ADAMTS19: variants seen among roughly 807,000 people sequenced by gnomAD.
ADAMTS19 encodes the protein A disintegrin and metalloproteinase with thrombospondin motifs 19.
ADAMTS19 carries 93 observed loss-of-function variants against 153.3 expected under a neutral mutation model. The ratio of observed to expected loss-of-function variants is 0.61; its 90% CI spans 0.51 to 0.72. ADAMTS19 has a LOEUF of 0.72. ADAMTS19 is among the 30% of genes least tolerant of loss of function. The probability of loss-of-function intolerance (pLI) is 0.00; values close to 1 mark genes in which losing one functional copy is unlikely to be tolerated. For synonymous variants in ADAMTS19, 600 were observed against 556.6 expected (o/e 1.08, Z -1.10); for missense variants, 1,482 against 1,552.1 (o/e 0.95, Z 0.76).
Position 129,648,814 on chromosome 5 carries a change from A to G in ADAMTS19, c.2020A>G (p.Arg674Gly). The G allele has an allele frequency of 1.9e-6, 3 of 1,613,032 alleles. No individual in the cohort carries two copies. Among genetic ancestry groups the G allele is most frequent in the Non-Finnish European group, 2.5e-6 (3 of 1,179,706 alleles). ...CTTTTCTAGGCTAGATTCTGAAGCA[A>G]GGGATTGTAATGGTCCCAGAAAACA... ...RKCPGLDSEA[R>G]DCNGPRKQYR... The change falls in exon 13 of 23, where the codon AGG becomes GGG. Residue 674 changes from arginine (R) to glycine (G), a missense_variant. Arg to Gly is a moderately radical substitution (Grantham distance 125, BLOSUM62 -2). Transcript: ENST00000274487.
chr5:129,482,850 G>A (rs1750460244), intron 2 of ADAMTS19, among the ~76,000 whole-genome samples: 1 of 152,084 alleles, frequency 6.6e-6, no homozygotes, highest in South Asian at 2.1e-4. Flanking sequence ...TTATCTTTGT[G>A]TTGAGAGTTT....
intron 8 of ADAMTS19, among the ~76,000 whole-genome samples, chr5:129,614,304 G>A (rs181443145): frequency 2.7e-4 from 41 of 152,210 alleles, no homozygotes; most frequent in African/African-American, 9.1e-4. Context: ...CTGGCAAACT[G>A]AATGCAGCAG....
chr5:129,478,713 A>AT (rs200378552), intron 2 of ADAMTS19, among the ~76,000 whole-genome samples: 383 of 150,776 alleles, frequency 2.5e-3, no homozygotes, highest in African/African-American at 7.3e-3. Context: ...TAGTTTTTAC[A>AT]TTTTTTTTTG....
intron 8 of ADAMTS19, among the ~76,000 whole-genome samples, chr5:129,605,208 G>A (rs1249146101): frequency 2.0e-5 from 3 of 151,980 alleles, no homozygotes; most frequent in Non-Finnish European, 2.9e-5. Context: ...AAAGCAAATT[G>A]CCTGGCTTCT....
intron 16 of ADAMTS19, among the ~76,000 whole-genome samples, chr5:129,672,212 T>C (rs560162305): frequency 1.9e-4 from 29 of 152,124 alleles, no homozygotes; most frequent in Non-Finnish European, 3.8e-4. Flanking sequence ...ATCCCATTCA[T>C]GAAAACTTCA....
chr5:129,730,389 T>G (rs866825150), intron 21 of ADAMTS19, among the ~76,000 whole-genome samples: 2 of 152,146 alleles, frequency 1.3e-5, no homozygotes, highest in Non-Finnish European at 2.9e-5. Flanking sequence ...TGCAGAAATA[T>G]ATACAGAGTA....
chr5:129,494,088 TA>T (rs1194753454), intron 2 of ADAMTS19, among the ~76,000 whole-genome samples: 1 of 152,198 alleles, frequency 6.6e-6, no homozygotes, highest in Non-Finnish European at 1.5e-5. Flanking sequence ...TGAAGTTGGA[TA>T]TTTTCCCCAT....
intron 6 of ADAMTS19, among the ~76,000 whole-genome samples, chr5:129,533,102 CAA>C (rs541197885): frequency 7.1e-6 from 1 of 141,014 alleles, no homozygotes; most frequent in Non-Finnish European, 1.6e-5. Context: ...GACTCCACCA[CAA>C]AAAAAAAAAT....
intron 7 of ADAMTS19, among the ~76,000 whole-genome samples, chr5:129,594,937 C>T (rs993308720): frequency 2.0e-5 from 3 of 151,944 alleles, no homozygotes; most frequent in African/African-American, 2.4e-5. Flanking sequence ...TTCATCCATC[C>T]GTCCACCTAA....
chr5:129,698,641 G>A (rs1755680450), intron 19 of ADAMTS19, among the ~76,000 whole-genome samples: 1 of 152,028 alleles, frequency 6.6e-6, no homozygotes, highest in African/African-American at 2.4e-5. Context: ...ATTATATTGA[G>A]GATCTCAAAT....
intron 14 of ADAMTS19, 87 bp downstream of exon 14, chr5:129,654,520 T>A (rs1753459417): frequency 7.0e-7 from 1 of 1,436,890 alleles, no homozygotes; most frequent in Admixed American, 2.1e-5. Flanking sequence ...GTGGAAAGCT[T>A]TGGACTTAGA....
chr5:129,514,941 A>AATC (rs1244479031), intron 3 of ADAMTS19, among the ~76,000 whole-genome samples: 1 of 152,132 alleles, frequency 6.6e-6, no homozygotes, highest in Non-Finnish European at 1.5e-5. Context: ...TTAAATCTTT[A>AATC]ATCCATTTTG....
intron 6 of ADAMTS19, 93 bp from the exon 7 acceptor site, chr5:129,551,771 A>G (rs1753128531): frequency 2.8e-6 from 2 of 715,252 alleles, no homozygotes; most frequent in Non-Finnish European, 4.7e-6. Context: ...GATGTGCTTC[A>G]ATTAATCATA....
chr5:129,620,535 C>T (rs772481580), intron 8 of ADAMTS19, 83 bp from the exon 9 acceptor site: 46 of 1,016,748 alleles, frequency 4.5e-5, no homozygotes, highest in African/African-American at 6.7e-5. Context: ...GTATTTTAAC[C>T]GTTATTTAAC....
At chr5:129,484,238 T>A (rs1256420989) in intron 2 of ADAMTS19, among the ~76,000 whole-genome samples, 1 of 152,204 alleles carries the variant, frequency 6.6e-6, no homozygotes, top group Non-Finnish European at 1.5e-5. Context: ...AGCACAGATA[T>A]AAATATAGGT....
At chr5:129,676,692 A>G (rs1754566362) in intron 16 of ADAMTS19, among the ~76,000 whole-genome samples, 1 of 152,238 alleles carries the variant, frequency 6.6e-6, no homozygotes. Flanking sequence ...TAGTTATTCA[A>G]TCATGGTGAA....
At position 129,641,931 on chromosome 5, in the gene ADAMTS19, A is replaced by G; in HGVS notation, c.1843A>G (p.Met615Val). ...ATGCAGAACCAAGCTAGACCCACCA[A>G]TGGATGGAACTGACTGTGACCTTGG... ...KECRTKLDPP[M>V]DGTDCDLGKW... Residue 615 changes from methionine (M) to valine (V), a missense_variant, in exon 11 of 23, where the codon ATG (methionine) becomes GTG (valine). Physicochemically the swap from Met to Val is conservative, Grantham distance 21. Around this residue, in one of 2 missense-constraint regions of ADAMTS19, gnomAD observed 866 missense variants for 827.7 expected, o/e 1.05. Transcript: ENST00000274487. 6.2e-7 allele frequency: 1 copy of G among 1,602,730 alleles called. No homozygotes were observed. Among genetic ancestry groups the G allele is most frequent in the East Asian group, 2.2e-5 (1 of 44,568 alleles).
At chr5:129,569,819 G>T (rs1259397550) in intron 7 of ADAMTS19, among the ~76,000 whole-genome samples, 1 of 151,944 alleles carries the variant, frequency 6.6e-6, no homozygotes, top group Non-Finnish European at 1.5e-5. Context: ...AAAAAGCCAT[G>T]CTTAGAGAGG....
intron 17 of ADAMTS19, among the ~76,000 whole-genome samples, chr5:129,682,190 T>C (rs1008010620): frequency 2.6e-5 from 4 of 152,172 alleles, no homozygotes; most frequent in Admixed American, 2.6e-4. Context: ...CAGTGAACTA[T>C]GTCTAAAAGA....
Sources: allele counts gnomAD v4.1 joint callset (sites outside exome capture counted in the v4.1 genomes callset), GRCh38; gene constraint gnomAD v4.1.1; regional missense constraint gnomAD v4.1.1; transcripts MANE v1.5; gene names NCBI Gene and HGNC (gene_info 2026-07-23, HGNC 2026-07-21).